Variants in SACS observed in about 807,000 individuals in gnomAD.
SACS encodes the protein sacsin.
Under a neutral mutation model 348.0 loss-of-function variants are expected in SACS, and 197 were observed. The ratio of observed to expected loss-of-function variants is 0.57; its 90% CI spans 0.50 to 0.64. The LOEUF is 0.64. SACS is among the 30% of genes least tolerant of loss of function. The pLI, the probability that SACS is intolerant of heterozygous loss-of-function variation, is 0.00. For synonymous variants in SACS, 1,985 were observed against 1,910.6 expected (o/e 1.04, Z -1.02); for missense variants, 4,999 against 5,360.8 (o/e 0.93, Z 2.11).
In SACS at chr13:23,338,103, G is replaced by A. The variant is rs1463050047; in HGVS notation, c.5773C>T (p.Leu1925=). The change falls in exon 10 of 10, where the codon CTG becomes TTG. Residue 1925 remains leucine, a synonymous_variant. Coordinates refer to ENST00000382292, the MANE Select transcript of SACS (RefSeq NM_014363.6). ...GTGGCCAGGTCCCGTAAGACACTCA[G>A]TACCTGTAAGTAAGCTTTCACAATA... The part of the protein sequence containing the change: ...HVIVKAYLQV[L]SVLRDLATSG... The A allele has an allele frequency of 6.2e-7, 1 of 1,613,988 alleles. No homozygotes were observed. The highest frequency in any genetic ancestry group is 8.5e-7 in the Non-Finnish European group (1 of 1,179,990).
At chr13:23,407,196 TTTTA>T (rs1215696243) in intron 2 of SACS, among the ~76,000 whole-genome samples, 1 of 152,122 alleles carries the variant, frequency 6.6e-6, no homozygotes, top group Non-Finnish European at 1.5e-5. Context: ...TTGTTTTTCT[TTTTA>T]TTTATTTATT....
Position 23,353,553 on chromosome 13 carries a change from C to T in SACS, c.2185+232G>A, listed in dbSNP as rs530074028. On this transcript the variant is annotated intron_variant, in intron 9 of 9. Coordinates refer to ENST00000382292, the MANE Select transcript of SACS (RefSeq NM_014363.6). ...CCATGCAGGTATAAGATGTTGACTA[C>T]ACCATCACACCATGACAGGAGAGAT... Among the ~76,000 whole-genome samples the T allele has an allele frequency of 1.8e-4, 28 of 152,316 alleles. No homozygotes were observed. The South Asian group carries it at 5.6e-3, about 30-fold the overall frequency.
At chr13:23,358,805 T>C (rs978821690) in intron 6 of SACS, among the ~76,000 whole-genome samples, 9 of 152,344 alleles carry the variant, frequency 5.9e-5, no homozygotes, top group African/African-American at 1.9e-4. Context: ...AAATAGTATA[T>C]TTAAATCTTT....
intron 8 of SACS, among the ~76,000 whole-genome samples, chr13:23,354,131 T>C (rs1421991251): frequency 1.3e-5 from 2 of 152,232 alleles, no homozygotes; most frequent in East Asian, 3.8e-4. Context: ...TTTTATTTCC[T>C]GAAATGTCAG....
intron 9 of SACS, among the ~76,000 whole-genome samples, chr13:23,346,236 C>T (rs957764624): frequency 1.3e-5 from 2 of 152,186 alleles, no homozygotes; most frequent in African/African-American, 4.8e-5. Flanking sequence ...ACCTCTGCCG[C>T]CCGGGTTCAA....
intron 2 of SACS, among the ~76,000 whole-genome samples, chr13:23,404,688 C>T (rs564084980): frequency 1.4e-4 from 21 of 152,142 alleles, no homozygotes; most frequent in Non-Finnish European, 2.6e-4. Context: ...CATCTCAGCC[C>T]AAAATCTCCT....
chr13:23,396,110 C>T (rs117687931), intron 2 of SACS, among the ~76,000 whole-genome samples: 1,941 of 151,988 alleles, frequency 0.013, 80 homozygotes, highest in East Asian at 0.092. Flanking sequence ...GATTATTTGA[C>T]GTCAGGAGTT....
In SACS at chr13:23,355,770, T is replaced by A; in HGVS notation, c.842A>T (p.Gln281Leu). Residue 281 changes from glutamine (Q) to leucine (L), a missense_variant, in exon 8 of 10, where the codon CAA becomes CTA. This residue lies in a region of SACS where 3,156 missense variants were observed against 3,380.1 expected (regional missense o/e 0.93). Coordinates refer to ENST00000382292, the MANE Select transcript of SACS (RefSeq NM_014363.6). ...CTTATTGTAGAGGTTACTACTAAGTTGTGAAGGTTGTAGGCGAAGAGGGAA... is the reference window on the plus strand; with the variant it reads ...CTTATTGTAGAGGTTACTACTAAGTAGTGAAGGTTGTAGGCGAAGAGGGAA... ...FRFPLRLQPS[Q>L]LSSNLYNKQK... The A allele has an allele frequency of 6.2e-7, 1 of 1,614,188 alleles. No homozygotes were observed. Among genetic ancestry groups the A allele is most frequent in the South Asian group, 1.1e-5 (1 of 91,078 alleles).
intron 3 of SACS, among the ~76,000 whole-genome samples, chr13:23,372,490 G>C (rs1871455835): frequency 6.6e-6 from 1 of 152,176 alleles, no homozygotes; most frequent in African/African-American, 2.4e-5. Flanking sequence ...ATCTAGCAGA[G>C]ACTTTAGAAT....
intron 1 of SACS, among the ~76,000 whole-genome samples, chr13:23,424,210 A>G (rs548247600): frequency 3.6e-4 from 55 of 152,302 alleles, no homozygotes; most frequent in Middle Eastern, 3.4e-3. Flanking sequence ...ATTTCCAAAC[A>G]TATGTTTTGG....
At chr13:23,420,541 T>G (rs1179891423) in intron 1 of SACS, among the ~76,000 whole-genome samples, 1 of 152,014 alleles carries the variant, frequency 6.6e-6, no homozygotes, top group African/African-American at 2.4e-5. Flanking sequence ...AATGTCCACC[T>G]GTGGCCCAAT....
rs1454546564 is a variant in SACS, at chr13:23,339,580, T to C, written c.4296A>G (p.Glu1432=). The C allele has an allele frequency of 6.2e-7, 1 of 1,612,670 alleles. No individual in the cohort carries two copies. The highest frequency in any genetic ancestry group is 1.7e-5 in the Admixed American group (1 of 59,964). The change falls in exon 10 of 10, where the codon GAA becomes GAG. Residue 1432 remains glutamate (E), a synonymous_variant. Coordinates refer to ENST00000382292, the MANE Select transcript of SACS (RefSeq NM_014363.6). ...TACTAAGGCATGGAACTTTTAGCCA[T>C]TCTGCAGTTTTCATGGGTATGTCCT... ...VHEDIPMKTA[E]WLKVPCLSTR...
At chr13:23,371,024 C>T (rs1871355322) in intron 4 of SACS, 54 bp downstream of exon 4, 2 of 1,195,496 alleles carry the variant, frequency 1.7e-6, no homozygotes, top group Admixed American at 2.0e-5. Flanking sequence ...CAAAAAAACT[C>T]AATCTTTGTG....
At chr13:23,402,918 C>T (rs776805775) in intron 2 of SACS, among the ~76,000 whole-genome samples, 2 of 152,094 alleles carry the variant, frequency 1.3e-5, no homozygotes, top group Non-Finnish European at 2.9e-5. Context: ...TGGCTCACGC[C>T]TATAATCCCA....
rs771923767 is a variant in SACS at position 23,337,311 on chromosome 13, A to G, written c.6565T>C (p.Leu2189=). Reference sequence around the variant, plus strand: ...TTTAGTTTCTCATCGATAAGACTCAATAAGATACTACTTCTTAGGCATGCA... The same window carrying G: ...TTTAGTTTCTCATCGATAAGACTCAGTAAGATACTACTTCTTAGGCATGCA... ...VAACLRSSIL[L]SLIDEKLKIR... is the part of the protein sequence containing the mutation. The change falls in exon 10 of 10, where the codon TTG becomes CTG. Residue 2189 remains leucine (L), a synonymous_variant. Transcript: ENST00000382292. 1.2e-5 allele frequency: 19 copies of G among 1,613,814 alleles called. No individual in the cohort carries two copies. The highest frequency in any genetic ancestry group is 1.4e-5 in the Non-Finnish European group (16 of 1,179,902).
intron 9 of SACS, among the ~76,000 whole-genome samples, chr13:23,345,085 A>G (rs772594634): frequency 1.3e-5 from 2 of 152,192 alleles, no homozygotes; most frequent in African/African-American, 2.4e-5. Flanking sequence ...GCTGGCTACA[A>G]TAACAATCCA....
chr13:23,335,617 A>G lies in SACS; in HGVS notation c.8259T>C (p.Asp2753=), dbSNP rs758348178. The change falls in exon 10 of 10, where the codon GAT becomes GAC. Residue 2753 remains aspartate, a synonymous_variant. Coordinates refer to ENST00000382292, the MANE Select transcript of SACS (RefSeq NM_014363.6). This position sits in a 1 kb window ranked among gnomAD's most constrained non-coding sequence, Gnocchi z 4.7. ...HMEKISICEI[D]KSTGALNVLY... ...GCACATTTAGAGCTCCAGTACTCTTATCTATTTCACAAATAGAAATTTTTT... is the reference window on the plus strand; with the variant it reads ...GCACATTTAGAGCTCCAGTACTCTTGTCTATTTCACAAATAGAAATTTTTT... 1.2e-6 allele frequency: 2 copies of G among 1,613,736 alleles called. No individual in the cohort carries two copies. Among genetic ancestry groups the G allele is most frequent in the African/African-American group, 2.7e-5 (2 of 74,878 alleles).
At chr13:23,351,839 G>A (rs1294534276) in intron 9 of SACS, among the ~76,000 whole-genome samples, 2 of 152,044 alleles carry the variant, frequency 1.3e-5, no homozygotes, top group African/African-American at 2.4e-5. Flanking sequence ...GTGTCACAAT[G>A]CCAAGAAAAC....
rs372119773 is a variant in SACS at position 23,335,595 on chromosome 13, C to A, written c.8281G>T (p.Val2761Leu). Residue 2761 changes from valine (V) to leucine (L), a missense_variant, in exon 10 of 10, where the codon GTG (valine) becomes TTG (leucine). Val to Leu is a conservative substitution (Grantham distance 32). Around this residue, in one of 6 missense-constraint regions of SACS, gnomAD observed 3,156 missense variants for 3,380.1 expected, o/e 0.93. Coordinates refer to ENST00000382292, the MANE Select transcript of SACS (RefSeq NM_014363.6). This position sits in a 1 kb window ranked among gnomAD's most constrained non-coding sequence, Gnocchi z 4.7. Reference protein sequence around the residue: ...EIDKSTGALNVLYSVKGKITD... With the variant: ...EIDKSTGALNLLYSVKGKITD... ...ATTTTGCCCTTTACTGAATACAGCA[C>A]ATTTAGAGCTCCAGTACTCTTATCT... 1 of 1,613,822 alleles carries A rather than the reference C, an allele frequency of 6.2e-7. No individual in the cohort carries two copies. Among genetic ancestry groups the A allele is most frequent in the Non-Finnish European group, 8.5e-7 (1 of 1,179,874 alleles).
Sources: allele counts gnomAD v4.1 joint callset (sites outside exome capture counted in the v4.1 genomes callset), GRCh38; gene constraint gnomAD v4.1.1; regional missense constraint gnomAD v4.1.1; non-coding constraint Gnocchi (gnomAD v3.1); transcripts MANE v1.5; gene names NCBI Gene and HGNC (gene_info 2026-07-23, HGNC 2026-07-21).